The following NUBPL variants were observed in gnomAD, a reference collection of about 807,000 sequenced individuals.
NUBPL encodes the protein iron-sulfur cluster transfer protein NUBPL.
NUBPL carries 31 observed loss-of-function variants against 45.7 expected under a neutral mutation model. The observed-to-expected ratio is 0.68, with a 90% CI of 0.51 to 0.92. The LOEUF (loss-of-function observed/expected upper bound fraction) is 0.92, where lower values mean the gene tolerates loss of function less well. Ranked by LOEUF, NUBPL falls within the 40% of genes least tolerant of loss-of-function variation. The pLI is 0.00. For synonymous variants in NUBPL, 144 were observed against 140.9 expected (o/e 1.02, Z -0.15); for missense variants, 401 against 398.7 (o/e 1.01, Z -0.05).
chr14:31,787,138 G>A (rs2039299195), intron 6 of NUBPL, among the ~76,000 whole-genome samples: 1 of 152,184 alleles, frequency 6.6e-6, no homozygotes, highest in African/African-American at 2.4e-5. Context: ...GCCATTAATA[G>A]AGACTAGGGA....
At chr14:31,809,143 G>A (rs2039750363) in intron 7 of NUBPL, among the ~76,000 whole-genome samples, 1 of 152,184 alleles carries the variant, frequency 6.6e-6, no homozygotes, top group Non-Finnish European at 1.5e-5. Context: ...AAATGAGTTA[G>A]GGAGGATTCC....
intron 6 of NUBPL, among the ~76,000 whole-genome samples, chr14:31,714,189 C>T (rs1017456830): frequency 6.6e-6 from 1 of 152,232 alleles, no homozygotes; most frequent in East Asian, 1.9e-4. Context: ...AATAGAAAGG[C>T]AGGTTTTGTT....
chr14:31,764,779 G>A lies in NUBPL; in HGVS notation c.514-23001G>A, dbSNP rs116440036. On this transcript the variant is annotated intron_variant, in intron 6 of 10. Transcript: ENST00000281081. ...TTTCTTTACAATTTAGTGATCTTAA[G>A]TTTCTTAGATGTCCTTTAGGTATTT... Among the ~76,000 whole-genome samples the A allele has an allele frequency of 6.7e-3, 998 of 149,902 alleles. 12 individuals carry two copies. The highest frequency in any genetic ancestry group is 0.023 in the African/African-American group (935 of 41,394).
At chr14:31,768,530 G>A (rs1186294037) in intron 6 of NUBPL, among the ~76,000 whole-genome samples, 2 of 152,166 alleles carry the variant, frequency 1.3e-5, no homozygotes, top group Non-Finnish European at 2.9e-5. Flanking sequence ...TTAACTACCA[G>A]TCCTTTGACC....
chr14:31,737,138 C>T (rs999098063), intron 6 of NUBPL, among the ~76,000 whole-genome samples: 14 of 152,198 alleles, frequency 9.2e-5, no homozygotes, highest in African/African-American at 3.4e-4. Flanking sequence ...GAGTCTTTTG[C>T]TGTAAAATGC....
intron 6 of NUBPL, among the ~76,000 whole-genome samples, chr14:31,676,778 A>T (rs981116240): frequency 2.7e-5 from 4 of 149,938 alleles, no homozygotes; most frequent in African/African-American, 4.9e-5. Flanking sequence ...ATTTTTATTT[A>T]TTTATTTTTT....
chr14:31,562,057 A>G lies in NUBPL; in HGVS notation c.109-11A>G. On this transcript the variant is annotated splice_polypyrimidine_tract_variant and intron_variant, in intron 1 of 10. Coordinates refer to ENST00000281081, the MANE Select transcript of NUBPL (RefSeq NM_025152.3). ...TTTAAAACGGCTTTTTATTATTATT[A>G]TTTTTTAAAGTTGTCTGGCGCCGGG... is the stretch of plus-strand genomic sequence containing the variant. 1 of 1,559,932 alleles carries G rather than the reference A, an allele frequency of 6.4e-7. No homozygotes were observed. Among genetic ancestry groups the G allele is most frequent in the Non-Finnish European group, 8.7e-7 (1 of 1,151,668 alleles).
At chr14:31,677,073 A>G (rs1218474825) in intron 6 of NUBPL, among the ~76,000 whole-genome samples, 6 of 152,062 alleles carry the variant, frequency 3.9e-5, no homozygotes, top group African/African-American at 1.4e-4. Flanking sequence ...GTAGATTAGT[A>G]TATTTATGGG....
At chr14:31,635,873 A>G (rs1019003497) in intron 4 of NUBPL, among the ~76,000 whole-genome samples, 4 of 152,182 alleles carry the variant, frequency 2.6e-5, no homozygotes, top group African/African-American at 9.7e-5. Flanking sequence ...GCGTTCACTC[A>G]TGATTTGGCT....
At chr14:31,616,506 T>TA (rs1555318089) in intron 4 of NUBPL, among the ~76,000 whole-genome samples, 2 of 151,546 alleles carry the variant, frequency 1.3e-5, no homozygotes, top group Non-Finnish European at 3.0e-5. Context: ...AGTTTTTTTT[T>TA]AACACTGTTT....
chr14:31,818,397 T>A (rs2039960558), intron 7 of NUBPL, among the ~76,000 whole-genome samples: 1 of 152,226 alleles, frequency 6.6e-6, no homozygotes, highest in Non-Finnish European at 1.5e-5. Context: ...GTTGGATTCT[T>A]AGCCTTCCAA....
At chr14:31,816,266 G>GA (rs1566578997) in intron 7 of NUBPL, among the ~76,000 whole-genome samples, 1 of 152,020 alleles carries the variant, frequency 6.6e-6, no homozygotes, top group African/African-American at 2.4e-5. Flanking sequence ...TTGGAGGGTG[G>GA]ATGTGTCCTG....
intron 4 of NUBPL, among the ~76,000 whole-genome samples, chr14:31,636,804 C>G (rs10131996): frequency 1 from 151,522 of 152,170 alleles, 75,440 homozygotes; most frequent in Middle Eastern, 1. Flanking sequence ...CAACTTCTTC[C>G]TGGTTTAGTC....
intron 6 of NUBPL, among the ~76,000 whole-genome samples, chr14:31,751,666 C>T (rs1269727136): frequency 6.6e-6 from 1 of 152,226 alleles, no homozygotes; most frequent in African/African-American, 2.4e-5. Flanking sequence ...GTGCACAGTG[C>T]AAGCTGTTGG....
intron 7 of NUBPL, among the ~76,000 whole-genome samples, chr14:31,821,247 A>G (rs181100877): frequency 1.1e-3 from 168 of 152,332 alleles, no homozygotes; most frequent in Non-Finnish European, 1.8e-3. Context: ...CAAAGTGAAG[A>G]AACGACCCGG....
chr14:31,803,076 C>G (rs1204429207), intron 7 of NUBPL, among the ~76,000 whole-genome samples: 1 of 152,120 alleles, frequency 6.6e-6, no homozygotes, highest in Admixed American at 6.5e-5. Context: ...TTTATGGTAA[C>G]CCTCTTTGAC....
chr14:31,738,969 A>T (rs1484648120), intron 6 of NUBPL, among the ~76,000 whole-genome samples: 4 of 151,770 alleles, frequency 2.6e-5, no homozygotes, highest in African/African-American at 9.7e-5. Flanking sequence ...TGAAACTGAT[A>T]TGCTAAATAT....
chr14:31,612,898 A>G (rs2034798166), intron 4 of NUBPL, among the ~76,000 whole-genome samples: 1 of 152,190 alleles, frequency 6.6e-6, no homozygotes, highest in African/African-American at 2.4e-5. Flanking sequence ...CCTCAAAAAA[A>G]CAAAAAATAG....
intron 6 of NUBPL, among the ~76,000 whole-genome samples, chr14:31,703,693 C>T (rs1487291156): frequency 6.6e-6 from 1 of 152,210 alleles, no homozygotes; most frequent in East Asian, 1.9e-4. Context: ...TCAGTTATCT[C>T]CCACTGGGTC....
Sources: allele counts gnomAD v4.1 joint callset (sites outside exome capture counted in the v4.1 genomes callset), GRCh38; gene constraint gnomAD v4.1.1; transcripts MANE v1.5; gene names NCBI Gene and HGNC (gene_info 2026-07-23, HGNC 2026-07-21).